PDPR: variants seen among roughly 807,000 people sequenced by gnomAD.
The protein encoded by PDPR is pyruvate dehydrogenase phosphatase regulatory subunit, mitochondrial.
Under a neutral mutation model 102.2 loss-of-function variants are expected in PDPR, and 50 were observed. The observed-to-expected ratio is 0.49, with a 90% confidence interval of 0.39 to 0.62. The LOEUF is 0.62. PDPR is among the 20% of genes least tolerant of loss of function. PDPR has a pLI of 0.00. For synonymous variants in PDPR, 259 were observed against 406.0 expected (o/e 0.64, Z 4.35); for missense variants, 625 against 1,098.2 (o/e 0.57, Z 6.09).
At chr16:70,146,917 A>ATATT (rs1175297679) in intron 16 of PDPR, among the ~76,000 whole-genome samples, 1,867 of 51,544 alleles carry the variant, frequency 0.036, 53 homozygotes, top group African/African-American at 0.054. Flanking sequence ...GTGACTAAGT[A>ATATT]TATTTATTTA....
At chr16:70,116,179 C>T (rs545528111) in intron 2 of PDPR, among the ~76,000 whole-genome samples, 1 of 146,902 alleles carries the variant, frequency 6.8e-6, no homozygotes, top group Non-Finnish European at 1.5e-5. Context: ...CTGGTTGAAG[C>T]AATTTTCCTG....
Position 70,157,349 on chromosome 16 carries a change from T to G in PDPR, c.*470T>G. ...GTCGGATGCAGCCCTGAGGGGCAGC[T>G]CGTGCCTGCAGCCCGGCAGCTCGTT... On this transcript the variant is annotated 3_prime_UTR_variant, in exon 19 of 19. Transcript: ENST00000288050. 1 of 377,084 alleles carries G rather than the reference T, an allele frequency of 2.7e-6. No individual in the cohort carries two copies. Among genetic ancestry groups the G allele is most frequent in the Admixed American group, 3.4e-5 (1 of 29,420 alleles). 23.4% of individuals were successfully genotyped at this position (377,084 alleles called of 1,614,324 possible).
Position 70,139,384 on chromosome 16 carries a change from G to A in PDPR, c.1315+361G>A, listed in dbSNP as rs554597065. ...AGTCTGCCTTGAGAGACCCTGTGTC[G>A]AAGTGAATGCTTTCTCACTCCCACT... On this transcript the variant is annotated intron_variant, in intron 11 of 18. Coordinates refer to ENST00000288050, the MANE Select transcript of PDPR (RefSeq NM_017990.5). Among the ~76,000 whole-genome samples the A allele has an allele frequency of 3.0e-4, 46 of 152,332 alleles. No individual in the cohort carries two copies. In the East Asian group the frequency reaches 6.4e-3, roughly 21 times the overall value.
At chr16:70,147,790 T>C in intron 16 of PDPR, 1 of 367,686 alleles carries the variant, frequency 2.7e-6, no homozygotes, top group Non-Finnish European at 5.4e-6. Context: ...CTCTCCACTG[T>C]TAGCTATCAG....
chr16:70,155,385 G>A (rs970575040), intron 18 of PDPR, among the ~76,000 whole-genome samples: 9 of 152,316 alleles, frequency 5.9e-5, no homozygotes, highest in East Asian at 1.9e-4. Context: ...GGCTTCAAGC[G>A]ATTCTCCTGC....
chr16:70,133,421 C>CTCTTTTTTTTT (rs1964751226), intron 9 of PDPR, among the ~76,000 whole-genome samples: 1 of 103,734 alleles, frequency 9.6e-6, no homozygotes, highest in African/African-American at 4.0e-5. Context: ...TGCGTCTGGC[C>CTCTTTTTTTTT]TTTTTTTTTT....
chr16:70,151,095 C>T (rs746357604), intron 17 of PDPR, among the ~76,000 whole-genome samples: 7 of 152,258 alleles, frequency 4.6e-5, no homozygotes, highest in African/African-American at 7.2e-5. Flanking sequence ...CCACCACACT[C>T]GGCTAATTTT....
At chr16:70,154,151 G>A (rs568073128) in intron 18 of PDPR, among the ~76,000 whole-genome samples, 107 of 152,132 alleles carry the variant, frequency 7.0e-4, no homozygotes, top group African/African-American at 2.5e-3. Context: ...GCGAGACTCC[G>A]TCTCAAAAAA....
chr16:70,116,723 G>A (rs1181829905), intron 2 of PDPR, among the ~76,000 whole-genome samples: 3 of 152,020 alleles, frequency 2.0e-5, no homozygotes, highest in Admixed American at 6.6e-5. Flanking sequence ...TGTATCTTTG[G>A]TAGAGACGGG....
At chr16:70,132,632 C>G (rs1227325833) in intron 9 of PDPR, among the ~76,000 whole-genome samples, 3 of 150,894 alleles carry the variant, frequency 2.0e-5, no homozygotes, top group Non-Finnish European at 4.4e-5. Flanking sequence ...CAGCCCCGAA[C>G]TCCTGGTCTC....
At chr16:70,134,726 C>CA (rs1388570091) in intron 9 of PDPR, among the ~76,000 whole-genome samples, 4 of 150,536 alleles carry the variant, frequency 2.7e-5, no homozygotes, top group Non-Finnish European at 5.9e-5. Context: ...GCAGAGGCTG[C>CA]AGTGGGCTGA....
At chr16:70,118,154 A>C (rs1375461731) in intron 2 of PDPR, among the ~76,000 whole-genome samples, 1 of 152,004 alleles carries the variant, frequency 6.6e-6, no homozygotes, top group Non-Finnish European at 1.5e-5. Flanking sequence ...TTGCAGGTAC[A>C]TGAAAGAGAG....
At chr16:70,140,696 T>G (rs554938771) in intron 11 of PDPR, among the ~76,000 whole-genome samples, 104 of 152,302 alleles carry the variant, frequency 6.8e-4, no homozygotes, top group African/African-American at 2.3e-3. Flanking sequence ...GTGCCTGTGA[T>G]CCCAGCTACT....
At chr16:70,126,379 T>C (rs1963965965) in intron 3 of PDPR, among the ~76,000 whole-genome samples, 1 of 152,256 alleles carries the variant, frequency 6.6e-6, no homozygotes, top group African/African-American at 2.4e-5. Flanking sequence ...TTTACTTTTT[T>C]TTGAGGCGGA....
At chr16:70,137,361 AAAT>A (rs1056339435) in intron 10 of PDPR, among the ~76,000 whole-genome samples, 3 of 152,352 alleles carry the variant, frequency 2.0e-5, no homozygotes, top group African/African-American at 4.8e-5. Context: ...ATCTCAATAA[AAAT>A]AATAATAATA....
intron 10 of PDPR, among the ~76,000 whole-genome samples, chr16:70,137,321 A>C (rs1965253857): frequency 1.3e-5 from 2 of 152,220 alleles, no homozygotes. Flanking sequence ...GCGCCACTGC[A>C]CTCCAGCCTG....
rs572625758 is a variant in PDPR, at chr16:70,153,470, G to T, written c.2132G>T (p.Arg711Leu). The T allele has an allele frequency of 6.2e-7, 1 of 1,613,598 alleles. No individual in the cohort carries two copies. The highest frequency in any genetic ancestry group is 1.1e-5 in the South Asian group (1 of 90,944). Reference sequence around the variant, plus strand: ...CGGAATGCTGGGTATTACGCTCTTCGCAGTCTCCGAATTGAGAAGTTTTTT... The same window carrying T: ...CGGAATGCTGGGTATTACGCTCTTCTCAGTCTCCGAATTGAGAAGTTTTTT... ...GIRNAGYYAL[R>L]SLRIEKFFAF... is the part of the protein sequence containing the mutation. Residue 711 changes from arginine to leucine, a missense_variant, in exon 18 of 19, where the codon CGC (arginine) becomes CTC (leucine). Arg to Leu is a moderately radical substitution (Grantham distance 102). Transcript: ENST00000288050.
rs1967598054 is a variant in PDPR at position 70,159,691 on chromosome 16, C to G, written c.*2812C>G. 1 of 152,782 alleles carries G rather than the reference C, an allele frequency of 6.5e-6. No individual in the cohort carries two copies. Among genetic ancestry groups the G allele is most frequent in the African/African-American group, 2.4e-5 (1 of 41,464 alleles). The allele number at this position is 152,782 out of a possible 1,614,324, so 9.5% of individuals were successfully genotyped here. On this transcript the variant is annotated 3_prime_UTR_variant, in exon 19 of 19. Coordinates refer to ENST00000288050, the MANE Select transcript of PDPR (RefSeq NM_017990.5). Reference sequence around the variant, plus strand: ...ATCTTAGCTGTTCAAGAGGAGAGGGCAGCATAACTTCCTGACCACCGGTGT... The same window carrying G: ...ATCTTAGCTGTTCAAGAGGAGAGGGGAGCATAACTTCCTGACCACCGGTGT...
Position 70,132,187 on chromosome 16 carries a change from A to C in PDPR, c.884A>C (p.Asn295Thr), listed in dbSNP as rs201788790. The change falls in exon 9 of 19, where the codon AAC becomes ACC. Residue 295 changes from asparagine to threonine, a missense_variant. By Grantham distance (65) the Asn-to-Thr change is moderately conservative. Coordinates refer to ENST00000288050, the MANE Select transcript of PDPR (RefSeq NM_017990.5). ...GCTGATGGAAGAATTTATATTCGGA[A>C]CTGGCAGGGTGGCATCCTGTCTGGG... ...VDADGRIYIR[N>T]WQGGILSGGF... is the part of the protein sequence containing the mutation. The C allele has an allele frequency of 2.1e-4, 332 of 1,613,166 alleles. 1 individual carries two copies. The highest frequency in any genetic ancestry group is 3.7e-4 in the South Asian group (34 of 91,052).
Sources: allele counts gnomAD v4.1 joint callset (sites outside exome capture counted in the v4.1 genomes callset), GRCh38; gene constraint gnomAD v4.1.1; transcripts MANE v1.5; gene names NCBI Gene and HGNC (gene_info 2026-07-23, HGNC 2026-07-21).